Variants in SGK3 observed in about 807,000 individuals in gnomAD.
SGK3 encodes serine/threonine-protein kinase Sgk3.
SGK3 carries 47 observed loss-of-function variants against 68.5 expected under a neutral mutation model. The ratio of observed to expected loss-of-function variants is 0.69; its 90% CI spans 0.54 to 0.87. The LOEUF (loss-of-function observed/expected upper bound fraction) is 0.87. Ranked by LOEUF, SGK3 falls within the 40% of genes least tolerant of loss-of-function variation. SGK3 has a pLI of 0.00. For missense variants in SGK3, 479 were observed against 575.5 expected, an observed-to-expected ratio of 0.83 and a Z score of 1.72; for synonymous variants, 181 against 189.1, an observed-to-expected ratio of 0.96 and a Z score of 0.35.
intron 1 of SGK3, among the ~76,000 whole-genome samples, chr8:66,744,150 G>A (rs1243873492): frequency 1.3e-5 from 2 of 152,052 alleles, no homozygotes; most frequent in East Asian, 3.8e-4. Context: ...GAAAGTATCT[G>A]TAGTCTCCCT....
At chr8:66,849,074 G>C (rs1437010108) in intron 15 of SGK3, among the ~76,000 whole-genome samples, 1 of 152,152 alleles carries the variant, frequency 6.6e-6, no homozygotes, top group South Asian at 2.1e-4. Flanking sequence ...AACTTCAAGT[G>C]TTGCAGTGCC....
chr8:66,735,742 A>G (rs890643527), intron 1 of SGK3, among the ~76,000 whole-genome samples: 56 of 152,200 alleles, frequency 3.7e-4, no homozygotes, highest in African/African-American at 9.6e-5. Flanking sequence ...TTCAAATGTC[A>G]TTGAATTGTG....
intron 16 of SGK3, among the ~76,000 whole-genome samples, chr8:66,856,737 T>G (rs1247347504): frequency 6.6e-6 from 1 of 152,130 alleles, no homozygotes; most frequent in Non-Finnish European, 1.5e-5. Flanking sequence ...ATCAGATCCT[T>G]GCAATAACCT....
chr8:66,858,666 C>G (rs1222583334), intron 16 of SGK3, among the ~76,000 whole-genome samples: 1 of 152,126 alleles, frequency 6.6e-6, no homozygotes, highest in African/African-American at 2.4e-5. Flanking sequence ...AGAACCTTAA[C>G]TGTTAGAATA....
chr8:66,734,952 A>G (rs1458163058), intron 1 of SGK3, among the ~76,000 whole-genome samples: 1 of 151,980 alleles, frequency 6.6e-6, no homozygotes, highest in Non-Finnish European at 1.5e-5. Context: ...CTCAAAAAAA[A>G]AAAAAAAAGT....
chr8:66,859,593 T>C lies in SGK3; in HGVS notation c.*12T>C, dbSNP rs962552132. 1.2e-6 allele frequency: 2 copies of C among 1,603,864 alleles called. No homozygotes were observed. Among genetic ancestry groups the C allele is most frequent in the East Asian group, 4.5e-5 (2 of 44,716 alleles). The stretch of plus-strand genomic sequence containing the variant: ...ACTTATTTTTGTGAGCAGTTTGCCA[T>C]TCAGAAACCATTGAGCAAAATAAGT... On this transcript the variant is annotated 3_prime_UTR_variant, in exon 17 of 17. Transcript: ENST00000521198.
At chr8:66,835,890 A>T (rs996575584) in intron 9 of SGK3, 44 bp downstream of exon 9, 1 of 1,609,182 alleles carries the variant, frequency 6.2e-7, no homozygotes, top group African/African-American at 1.3e-5. Context: ...TTTCTCAATT[A>T]AGAGAGCTGT....
At chr8:66,735,253 G>A (rs2130379399) in intron 1 of SGK3, among the ~76,000 whole-genome samples, 1 of 152,248 alleles carries the variant, frequency 6.6e-6, no homozygotes, top group South Asian at 2.1e-4. Context: ...AGTTTTAAAA[G>A]GAAGGAAAAG....
At chr8:66,736,622 CTT>C (rs749420647) in intron 1 of SGK3, among the ~76,000 whole-genome samples, 8 of 141,854 alleles carry the variant, frequency 5.6e-5, no homozygotes, top group South Asian at 2.2e-4. Flanking sequence ...CATGCCCAGC[CTT>C]TTTTTTTTTT....
intron 1 of SGK3, among the ~76,000 whole-genome samples, chr8:66,732,988 A>C (rs1191394786): frequency 6.6e-6 from 1 of 152,240 alleles, no homozygotes; most frequent in Non-Finnish European, 1.5e-5. Flanking sequence ...CCATATTGGA[A>C]GGCCATTCAG....
At chr8:66,853,889 C>T (rs1306798450) in intron 16 of SGK3, among the ~76,000 whole-genome samples, 1 of 152,132 alleles carries the variant, frequency 6.6e-6, no homozygotes, top group African/African-American at 2.4e-5. Context: ...TGCTATAAAA[C>T]TTATCAACAA....
chr8:66,779,603 A>G (rs867183599), intron 1 of SGK3, among the ~76,000 whole-genome samples: 1 of 122,292 alleles, frequency 8.2e-6, no homozygotes, highest in Non-Finnish European at 1.8e-5. Context: ...TATATATATA[A>G]AACACATTTT....
At chr8:66,797,509 AG>A (rs1807748342) in intron 2 of SGK3, among the ~76,000 whole-genome samples, 1 of 152,138 alleles carries the variant, frequency 6.6e-6, no homozygotes, top group Non-Finnish European at 1.5e-5. Flanking sequence ...CAGCTCATGT[AG>A]GGTGTCTCAT....
intron 7 of SGK3, among the ~76,000 whole-genome samples, chr8:66,829,078 A>G (rs1042476151): frequency 1.3e-5 from 2 of 151,726 alleles, no homozygotes; most frequent in Admixed American, 1.3e-4. Context: ...TTGCAGGCCT[A>G]ATTGACATTC....
chr8:66,832,738 C>CAA (rs745937597), intron 8 of SGK3, among the ~76,000 whole-genome samples: 165 of 137,318 alleles, frequency 1.2e-3, no homozygotes, highest in African/African-American at 4.1e-3. Flanking sequence ...GACCCCATCT[C>CAA]AAAAAAAAAA....
intron 1 of SGK3, among the ~76,000 whole-genome samples, chr8:66,718,605 T>C (rs1295266334): frequency 6.6e-6 from 1 of 152,022 alleles, no homozygotes; most frequent in Non-Finnish European, 1.5e-5. Flanking sequence ...TTTGGCTCAC[T>C]GCAACCTCTG....
Position 66,840,028 on chromosome 8 carries a change from G to T in SGK3, c.767G>T (p.Arg256Leu), listed in dbSNP as rs913845064. The part of the protein sequence containing the change: ...GELFFHLQRE[R>L]SFPEHRARFY... The stretch of plus-strand genomic sequence containing the variant: ...CTTTTTTTCCACTTACAAAGAGAAC[G>T]GTCCTTTCCTGAGCACAGAGCTAGG... Residue 256 changes from arginine to leucine, a missense_variant, in exon 11 of 17, where the codon CGG becomes CTG. Around this residue, in one of 3 missense-constraint regions of SGK3, gnomAD observed 298 missense variants for 329.4 expected, o/e 0.90. Coordinates refer to ENST00000521198, the MANE Select transcript of SGK3 (RefSeq NM_001033578.3). 1.2e-6 allele frequency: 2 copies of T among 1,611,070 alleles called. No homozygotes were observed. The highest frequency in any genetic ancestry group is 3.3e-5 in the Admixed American group (2 of 59,770).
intron 6 of SGK3, 38 bp from the exon 7 acceptor site, chr8:66,828,615 TC>T (rs1173017104): frequency 6.2e-7 from 1 of 1,612,118 alleles, no homozygotes; most frequent in Non-Finnish European, 8.5e-7. Context: ...TTTTTGAAGC[TC>T]CAATAAGAAT....
At chr8:66,778,832 G>GT (rs1277137081) in intron 1 of SGK3, among the ~76,000 whole-genome samples, 1 of 152,174 alleles carries the variant, frequency 6.6e-6, no homozygotes, top group Non-Finnish European at 1.5e-5. Context: ...ATAGGCAGAT[G>GT]TTTTTAAAAG....
Sources: allele counts gnomAD v4.1 joint callset (sites outside exome capture counted in the v4.1 genomes callset), GRCh38; gene constraint gnomAD v4.1.1; regional missense constraint gnomAD v4.1.1; transcripts MANE v1.5; gene names NCBI Gene and HGNC (gene_info 2026-07-23, HGNC 2026-07-21).